The following PTPRD variants were observed in gnomAD, a reference collection of about 807,000 sequenced individuals.
PTPRD encodes the protein receptor-type tyrosine-protein phosphatase delta.
In PTPRD, 34 loss-of-function variants were observed where a neutral mutation model predicts 214.5. The ratio of observed to expected loss-of-function variants is 0.16; its 90% CI spans 0.12 to 0.21. PTPRD has a LOEUF of 0.21. PTPRD is among the 10% of genes least tolerant of loss of function. The pLI, the probability that PTPRD is intolerant of heterozygous loss-of-function variation, is 1.00. For missense variants in PTPRD, 2,545 were observed against 2,398.7 expected (o/e 1.06, Z -1.27); for synonymous variants, 1,128 against 845.7 (o/e 1.33, Z -5.79).
chr9:9,322,292 G>C (rs761886431), intron 9 of PTPRD, among the ~76,000 whole-genome samples: 2 of 152,056 alleles, frequency 1.3e-5, no homozygotes, highest in African/African-American at 4.8e-5. Context: ...CTGATTACTG[G>C]GCATTTGCTA....
chr9:9,069,931 G>C (rs983537045), intron 10 of PTPRD, among the ~76,000 whole-genome samples: 1 of 152,098 alleles, frequency 6.6e-6, no homozygotes, highest in African/African-American at 2.4e-5. Context: ...TGGAGAAAAA[G>C]AACCTATAAA....
chr9:10,162,709 G>GTA lies in PTPRD; in HGVS notation c.-544-128921_-544-128920dup, dbSNP rs1491552950. Among the ~76,000 whole-genome samples the GTA allele has an allele frequency of 1.3e-3, 188 of 142,296 alleles. No homozygotes were observed. In the Middle Eastern group the frequency reaches 0.015, roughly 11 times the overall value. The allele number at this position is 142,296 out of a possible 152,430, so 93.4% of individuals were successfully genotyped here. On this transcript the variant is annotated intron_variant, in intron 3 of 45. Transcript: ENST00000381196. ...TATGTGTATATATATACATATACAC[G>GTA]TATATATATACATATACATGTACAT... is the stretch of plus-strand genomic sequence containing the variant.
At chr9:9,051,356 A>G (rs1404144211) in intron 10 of PTPRD, among the ~76,000 whole-genome samples, 5 of 152,194 alleles carry the variant, frequency 3.3e-5, no homozygotes, top group African/African-American at 1.2e-4. Flanking sequence ...GCCAACATGC[A>G]TTGCCTGAAA....
intron 10 of PTPRD, among the ~76,000 whole-genome samples, chr9:9,154,431 T>A (rs1434855459): frequency 1.3e-5 from 2 of 151,920 alleles, no homozygotes; most frequent in African/African-American, 4.8e-5. Context: ...TGCAGAGGGC[T>A]GTCTTCTCTC....
intron 2 of PTPRD, among the ~76,000 whole-genome samples, chr9:10,363,001 G>A (rs2097425873): frequency 6.6e-6 from 1 of 152,182 alleles, no homozygotes; most frequent in Admixed American, 6.5e-5. Context: ...ATAGAAGTCT[G>A]CTATTTATAA....
chr9:8,439,740 GA>G (rs1289628709), intron 34 of PTPRD, among the ~76,000 whole-genome samples: 2 of 151,012 alleles, frequency 1.3e-5, no homozygotes, highest in East Asian at 1.9e-4. Flanking sequence ...GCCCAATATT[GA>G]AAAAAAATGT....
chr9:9,442,903 T>C lies in PTPRD; in HGVS notation c.-236-45421A>G, dbSNP rs941166124. Reference sequence around the variant, plus strand: ...TATTTGAGCCATTGTGGTGTGCATCTGTACATTTTTATCCATACATGTAAC... The same window carrying C: ...TATTTGAGCCATTGTGGTGTGCATCCGTACATTTTTATCCATACATGTAAC... On this transcript the variant is annotated intron_variant, in intron 8 of 45. Transcript: ENST00000381196. 5.9e-5 allele frequency among the ~76,000 whole-genome samples: 9 copies of C among 152,334 alleles called. 1 individual carries two copies. The South Asian group carries it at 1.9e-3, about 32-fold the overall frequency.
intron 2 of PTPRD, among the ~76,000 whole-genome samples, chr9:10,502,232 C>A (rs996052805): frequency 6.6e-6 from 1 of 151,460 alleles, no homozygotes; most frequent in Non-Finnish European, 1.5e-5. Context: ...AAATAATCTT[C>A]CTATGGCCAG....
chr9:8,759,696 C>A (rs1214353099), intron 11 of PTPRD, among the ~76,000 whole-genome samples: 4 of 150,794 alleles, frequency 2.7e-5, no homozygotes, highest in Admixed American at 2.6e-4. Flanking sequence ...TCCTGCTGCT[C>A]ATGACTTTCT....
At chr9:8,966,614 G>C (rs1458679151) in intron 11 of PTPRD, among the ~76,000 whole-genome samples, 1 of 151,924 alleles carries the variant, frequency 6.6e-6, no homozygotes, top group East Asian at 1.9e-4. Context: ...ACTCAAGATG[G>C]ATTAAAGATT....
At chr9:10,468,608 T>G (rs1280121137) in intron 2 of PTPRD, among the ~76,000 whole-genome samples, 1 of 152,102 alleles carries the variant, frequency 6.6e-6, no homozygotes, top group Non-Finnish European at 1.5e-5. Context: ...GTAACTAACC[T>G]GCACATTCTG....
chr9:8,559,662 G>A (rs1167869126), intron 14 of PTPRD, among the ~76,000 whole-genome samples: 2 of 152,188 alleles, frequency 1.3e-5, no homozygotes, highest in Non-Finnish European at 2.9e-5. Context: ...CTAAGCTTCA[G>A]TCACAACTTT....
At chr9:9,098,732 A>G (rs1199382690) in intron 10 of PTPRD, among the ~76,000 whole-genome samples, 2 of 152,228 alleles carry the variant, frequency 1.3e-5, no homozygotes, top group Admixed American at 1.3e-4. Context: ...AGAAAATACA[A>G]ATGGATACAA....
intron 10 of PTPRD, among the ~76,000 whole-genome samples, chr9:9,067,135 C>G (rs898178600): frequency 6.6e-6 from 1 of 152,116 alleles, no homozygotes; most frequent in Non-Finnish European, 1.5e-5. Context: ...TCTGGTTACT[C>G]AGGAGAATCG....
chr9:9,142,235 C>T (rs555890409), intron 10 of PTPRD, among the ~76,000 whole-genome samples: 2 of 152,152 alleles, frequency 1.3e-5, no homozygotes, highest in South Asian at 2.1e-4. Flanking sequence ...GGTGTGCTGG[C>T]GCCATCTCCA....
At chr9:8,536,354 A>G (rs577867825) in intron 14 of PTPRD, among the ~76,000 whole-genome samples, 2 of 152,032 alleles carry the variant, frequency 1.3e-5, no homozygotes, top group Admixed American at 1.3e-4. Context: ...ATGAGATGTA[A>G]TAATACTTTA....
intron 9 of PTPRD, among the ~76,000 whole-genome samples, chr9:9,374,657 G>T (rs774607455): frequency 6.6e-6 from 1 of 152,114 alleles, no homozygotes; most frequent in African/African-American, 2.4e-5. Context: ...CCCTCAATAC[G>T]TTGTAACAAA....
chr9:10,196,258 G>GTTT (rs2099397681), intron 3 of PTPRD, among the ~76,000 whole-genome samples: 1 of 152,118 alleles, frequency 6.6e-6, no homozygotes, highest in Admixed American at 6.6e-5. Context: ...TGTAAACCCA[G>GTTT]TGTAAAGATT....
At chr9:9,980,666 C>G (rs1480249289) in intron 4 of PTPRD, among the ~76,000 whole-genome samples, 2 of 84,446 alleles carry the variant, frequency 2.4e-5, no homozygotes, top group Non-Finnish European at 5.2e-5. Context: ...GATCAAAATT[C>G]TTAGGAAAAA....
Sources: allele counts gnomAD v4.1 joint callset (sites outside exome capture counted in the v4.1 genomes callset), GRCh38; gene constraint gnomAD v4.1.1; transcripts MANE v1.5; gene names NCBI Gene and HGNC (gene_info 2026-07-23, HGNC 2026-07-21).